The following ZFYVE21 variants were observed in gnomAD, a reference collection of about 807,000 sequenced individuals.
ZFYVE21 encodes zinc finger FYVE-type containing 21, also known as zinc finger FYVE domain-containing protein 21.
ZFYVE21 carries 21 observed loss-of-function variants against 29.5 expected under a neutral mutation model. The observed-to-expected ratio is 0.71, with a 90% CI of 0.50 to 1.02. The LOEUF (loss-of-function observed/expected upper bound fraction) is 1.02. Among genes scored for constraint, ZFYVE21 ranks in the 50% least tolerant of loss-of-function variants. The probability of loss-of-function intolerance (pLI) is 0.00; values close to 1 mark genes in which losing one functional copy is unlikely to be tolerated. For missense variants in ZFYVE21, 326 were observed against 335.4 expected (o/e 0.97, Z 0.22); for synonymous variants, 151 against 133.8 (o/e 1.13, Z -0.89).
chr14:103,715,970 G>C lies in ZFYVE21; in HGVS notation c.129G>C (p.Pro43=). The change falls in exon 1 of 7, where the codon CCG becomes CCC. Residue 43 remains proline, a synonymous_variant. Transcript: ENST00000311141. Reference sequence around the variant, plus strand: ...GCCTGGAGGAGCCGCAGTGGGTCCCGGACAAGGAGGTGGGTGGCCGTCGCC... The same window carrying C: ...GCCTGGAGGAGCCGCAGTGGGTCCCCGACAAGGAGGTGGGTGGCCGTCGCC... ...PFGLEEPQWV[P]DKECRRCMQC... 1 of 1,342,072 alleles carries C rather than the reference G, an allele frequency of 7.5e-7. No individual in the cohort carries two copies. Among genetic ancestry groups the C allele is most frequent in the Admixed American group, 3.0e-5 (1 of 33,754 alleles). 83.1% of individuals were successfully genotyped at this position (1,342,072 alleles called of 1,614,324 possible).
intron 1 of ZFYVE21, among the ~76,000 whole-genome samples, chr14:103,721,956 G>C (rs867734772): frequency 6.6e-6 from 1 of 152,194 alleles, no homozygotes; most frequent in African/African-American, 2.4e-5. Context: ...CGGTGAAAAC[G>C]GATGAATCAC....
chr14:103,721,513 C>T (rs1287210701), intron 1 of ZFYVE21, among the ~76,000 whole-genome samples: 1 of 152,266 alleles, frequency 6.6e-6, no homozygotes, highest in East Asian at 1.9e-4. Context: ...GCCGAGGCTG[C>T]CTCTGTGACG....
chr14:103,727,175 A>G (rs528248915), intron 2 of ZFYVE21: 2 of 350,064 alleles, frequency 5.7e-6, no homozygotes, highest in African/African-American at 4.3e-5. Context: ...CGAACTCCTG[A>G]CCTCAAATGA....
intron 4 of ZFYVE21, 46 bp downstream of exon 4, chr14:103,729,029 C>T (rs565550254): frequency 1.2e-5 from 20 of 1,613,470 alleles, no homozygotes; most frequent in South Asian, 9.9e-5. Context: ...TGTCACAGAC[C>T]GGGAGCCTCG....
At chr14:103,726,647 C>G (rs1047085819) in intron 1 of ZFYVE21, 145 bp from the exon 2 acceptor site, 1 of 1,026,060 alleles carries the variant, frequency 9.7e-7, no homozygotes, top group South Asian at 1.4e-5. Flanking sequence ...AGTCCACCGT[C>G]CTGCGTCACA....
chr14:103,720,726 T>C (rs2083865313), intron 1 of ZFYVE21, among the ~76,000 whole-genome samples: 1 of 152,186 alleles, frequency 6.6e-6, no homozygotes, highest in African/African-American at 2.4e-5. Flanking sequence ...GCCGTTCCTG[T>C]TGCATTGGAG....
chr14:103,732,784 A>T, intron 6 of ZFYVE21, 22 bp downstream of exon 6: 1 of 1,607,890 alleles, frequency 6.2e-7, no homozygotes. Flanking sequence ...CAGGCCAGGG[A>T]GGCTGGGCCC....
At position 103,727,860 on chromosome 14, in the gene ZFYVE21, G is replaced by C; in HGVS notation, c.304G>C (p.Val102Leu). 1 of 1,613,164 alleles carries C rather than the reference G, an allele frequency of 6.2e-7. No homozygotes were observed. The highest frequency in any genetic ancestry group is 8.5e-7 in the Non-Finnish European group (1 of 1,179,852). ...GCGGCAGTGCGCGGAGTGCGCCCTC[G>C]TGTCCCTCAAGGAGGCGGAGTTCTA... ...PVRQCAECALVSLKEAEFYDK... is the reference protein window; with the variant it reads ...PVRQCAECALLSLKEAEFYDK... Residue 102 changes from valine to leucine, a missense_variant, in exon 3 of 7, where the codon GTG becomes CTG. Transcript: ENST00000311141.
intron 1 of ZFYVE21, among the ~76,000 whole-genome samples, chr14:103,717,237 A>G (rs927964441): frequency 6.6e-6 from 1 of 152,210 alleles, no homozygotes; most frequent in Non-Finnish European, 1.5e-5. Flanking sequence ...TATCGCCACC[A>G]TGAGGAGTCT....
chr14:103,723,765 C>CT (rs1222983357), intron 1 of ZFYVE21, among the ~76,000 whole-genome samples: 14 of 152,248 alleles, frequency 9.2e-5, no homozygotes, highest in Non-Finnish European at 1.3e-4. Flanking sequence ...CCACCAGACT[C>CT]TGTTTTGCCA....
At chr14:103,730,010 G>C (rs2083960296) in intron 5 of ZFYVE21, 1 of 761,302 alleles carries the variant, frequency 1.3e-6, no homozygotes, top group African/African-American at 1.8e-5. Context: ...TGATAAGTGG[G>C]TTTATAAAGC....
intron 1 of ZFYVE21, among the ~76,000 whole-genome samples, chr14:103,720,391 G>T (rs1157632803): frequency 6.6e-6 from 1 of 152,062 alleles, no homozygotes; most frequent in Non-Finnish European, 1.5e-5. Flanking sequence ...CGAGTTCTTG[G>T]GGGGCTGAGA....
In ZFYVE21 at chr14:103,716,566, G is replaced by C. The variant is rs570633207; in HGVS notation, c.138+587G>C. Among the ~76,000 whole-genome samples, 11 of 152,344 alleles carry C rather than the reference G, an allele frequency of 7.2e-5. No homozygotes were observed. The South Asian group carries it at 2.1e-3, about 29-fold the overall frequency. ...CAGTCTGCGGGCCAGGCTGCCCCCC[G>C]TTTCCCTTCGTCTATACCACCCTCC... On this transcript the variant is annotated intron_variant, in intron 1 of 6. Coordinates refer to ENST00000311141, the MANE Select transcript of ZFYVE21 (RefSeq NM_024071.4). The surrounding 1 kb of genome is among the most constrained non-coding windows in gnomAD (Gnocchi z 4.8).
At chr14:103,721,173 G>T (rs2083868802) in intron 1 of ZFYVE21, among the ~76,000 whole-genome samples, 1 of 152,174 alleles carries the variant, frequency 6.6e-6, no homozygotes, top group Admixed American at 6.5e-5. Context: ...CCACCGGGAA[G>T]CCTAGTTTAT....
intron 1 of ZFYVE21, chr14:103,726,233 T>G (rs912124295): frequency 2.0e-5 from 3 of 152,376 alleles, no homozygotes; most frequent in African/African-American, 7.2e-5. Context: ...CCAAGTAAAC[T>G]AGAATAATAA....
Position 103,726,967 on chromosome 14 carries a change from C to T in ZFYVE21, c.189+125C>T, listed in dbSNP as rs754118528. The T allele has an allele frequency of 6.9e-5, 31 of 449,818 alleles. 1 individual carries two copies. Among genetic ancestry groups the T allele is most frequent in the African/African-American group, 4.2e-4 (3 of 7,088 alleles). The allele number at this position is 449,818 out of a possible 1,614,324, so 27.9% of individuals were successfully genotyped here. A position where few individuals can be genotyped will look rare whatever the true frequency, so the allele number is the denominator to read the frequency against. ...TGGCTCGTTTTTTTTTTTTTTGAGA[C>T]GGAGTTTCGCTCTTGTCGCCCAGGC... On this transcript the variant is annotated intron_variant, in intron 2 of 6. Transcript: ENST00000311141.
In ZFYVE21 at chr14:103,717,783, G is replaced by T. The variant is rs139421769; in HGVS notation, c.138+1804G>T. ...GCAGCTGAGGGAGGTCCTAGCATTG[G>T]GTGGGCTTGGGGGACAGAGAAACCA... On this transcript the variant is annotated intron_variant, in intron 1 of 6. Transcript: ENST00000311141. Among the ~76,000 whole-genome samples the T allele has an allele frequency of 1.9e-3, 293 of 152,390 alleles. 3 individuals are homozygous for T. The highest frequency in any genetic ancestry group is 3.6e-3 in the Non-Finnish European group (246 of 68,042).
rs756943345 is a variant in ZFYVE21, at chr14:103,732,659, C to T, written c.566C>T (p.Thr189Ile). ...ARATGMFLQY[T>I]VPGTEGVTQL... Reference sequence around the variant, plus strand: ...GCCACAGGCATGTTCCTGCAGTATACAGTGCCGGGGACGGAGGGTGTGACC... The same window carrying T: ...GCCACAGGCATGTTCCTGCAGTATATAGTGCCGGGGACGGAGGGTGTGACC... The change falls in exon 6 of 7, where the codon ACA becomes ATA. Residue 189 changes from threonine to isoleucine, a missense_variant. Coordinates refer to ENST00000311141, the MANE Select transcript of ZFYVE21 (RefSeq NM_024071.4). The T allele has an allele frequency of 9.3e-6, 15 of 1,610,238 alleles. No individual in the cohort carries two copies. Among genetic ancestry groups the T allele is most frequent in the African/African-American group, 2.7e-5 (2 of 74,674 alleles).
intron 5 of ZFYVE21, chr14:103,729,889 G>GC (rs2083959413): frequency 1.3e-6 from 2 of 1,533,378 alleles, no homozygotes; most frequent in East Asian, 4.9e-5. Flanking sequence ...CATGCAGCGG[G>GC]CCCGTTCCTC....
Sources: allele counts gnomAD v4.1 joint callset (sites outside exome capture counted in the v4.1 genomes callset), GRCh38; gene constraint gnomAD v4.1.1; non-coding constraint Gnocchi (gnomAD v3.1); transcripts MANE v1.5; gene names NCBI Gene and HGNC (gene_info 2026-07-23, HGNC 2026-07-21).